MRPS23: variants seen among roughly 807,000 people sequenced by gnomAD.
The protein encoded by MRPS23 is mitochondrial ribosomal protein S23, also known as small ribosomal subunit protein mS23.
A neutral mutation model predicts 19.8 loss-of-function variants in MRPS23; 14 were observed. The observed-to-expected ratio is 0.71, with a 90% CI of 0.47 to 1.11. The LOEUF (loss-of-function observed/expected upper bound fraction) is 1.11. MRPS23 is among the 50% of genes least tolerant of loss of function. The probability of loss-of-function intolerance (pLI) is 0.00; values close to 1 mark genes in which losing one functional copy is unlikely to be tolerated. For synonymous variants in MRPS23, 113 were observed against 89.7 expected (o/e 1.26, Z -1.47); for missense variants, 242 against 236.7 (o/e 1.02, Z -0.15).
At position 57,839,586 on chromosome 17, in the gene MRPS23, C is replaced by T; in HGVS notation, c.*197G>A. Reference sequence around the variant, plus strand: ...AGGGAATTCTTTATTTAGTAATGTCCTAACATAAAAGTTCACATAACTGCT... The same window carrying T: ...AGGGAATTCTTTATTTAGTAATGTCTTAACATAAAAGTTCACATAACTGCT... On this transcript the variant is annotated 3_prime_UTR_variant, in exon 5 of 5. Transcript: ENST00000313608. 2 of 504,954 alleles carry T rather than the reference C, an allele frequency of 4.0e-6. No individual in the cohort carries two copies. Among genetic ancestry groups the T allele is most frequent in the Non-Finnish European group, 6.7e-6 (2 of 300,354 alleles). The allele number at this position is 504,954 out of a possible 1,614,324, so 31.3% of individuals were successfully genotyped here.
At chr17:57,847,874 T>C (rs1329611395) in intron 2 of MRPS23, among the ~76,000 whole-genome samples, 1 of 151,742 alleles carries the variant, frequency 6.6e-6, no homozygotes, top group African/African-American at 2.4e-5. Context: ...TTTTTGGTAT[T>C]TTAGTCAAGA....
At position 57,849,285 on chromosome 17, in the gene MRPS23, T is replaced by C. The variant is rs777824503; in HGVS notation, c.170A>G (p.Lys57Arg). Residue 57 changes from lysine (K) to arginine (R), a missense_variant, in exon 2 of 5, where the codon AAA becomes AGA. Transcript: ENST00000313608. ...QRPRVRYGKA[K>R]APIQDIWYHE... ...GTACCAGATGTCTTGGATGGGAGCT[T>C]TGGCTTTGCCATATCGCACTCGAGG... 4 of 1,614,106 alleles carry C rather than the reference T, an allele frequency of 2.5e-6. No homozygotes were observed. The highest frequency in any genetic ancestry group is 4.5e-5 in the East Asian group (2 of 44,902).
chr17:57,846,712 GGCAGC>G (rs2073778289), intron 2 of MRPS23, among the ~76,000 whole-genome samples: 1 of 152,026 alleles, frequency 6.6e-6, no homozygotes, highest in Non-Finnish European at 1.5e-5. Flanking sequence ...GATGCTTGAA[GGCAGC>G]ATGCTCGTTA....
At chr17:57,843,488 A>T (rs1331859210) in intron 2 of MRPS23, among the ~76,000 whole-genome samples, 1 of 152,182 alleles carries the variant, frequency 6.6e-6, no homozygotes, top group African/African-American at 2.4e-5. Flanking sequence ...GTTGCTATGG[A>T]CTAAACGTGT....
Position 57,838,467 on chromosome 17 carries a change from T to C in MRPS23, c.*1316A>G, listed in dbSNP as rs1033365220. On this transcript the variant is annotated 3_prime_UTR_variant, in exon 5 of 5. Coordinates refer to ENST00000313608, the MANE Select transcript of MRPS23 (RefSeq NM_016070.4). Reference sequence around the variant, plus strand: ...ACCAGAAACCTAAGGTTTAAAGAGATGAGTGACCCCTCAATTGTTCCTCTG... The same window carrying C: ...ACCAGAAACCTAAGGTTTAAAGAGACGAGTGACCCCTCAATTGTTCCTCTG... The C allele has an allele frequency of 2.0e-5, 3 of 152,108 alleles. No homozygotes were observed. The highest frequency in any genetic ancestry group is 7.2e-5 in the African/African-American group (3 of 41,404). 9.4% of individuals were successfully genotyped at this position (152,108 alleles called of 1,614,324 possible).
At chr17:57,840,899 T>C in intron 4 of MRPS23, 27 bp downstream of exon 4, 1 of 1,612,688 alleles carries the variant, frequency 6.2e-7, no homozygotes, top group Non-Finnish European at 8.5e-7. Flanking sequence ...ATAAACCCAG[T>C]AACAATTTTA....
At chr17:57,842,866 A>T (rs1309338323) in intron 2 of MRPS23, among the ~76,000 whole-genome samples, 1 of 69,266 alleles carries the variant, frequency 1.4e-5, no homozygotes, top group Non-Finnish European at 2.9e-5. Context: ...CCTGTCTCTA[A>T]AAAAAAAAAA....
rs1025124034 is a variant in MRPS23 at position 57,837,444 on chromosome 17, T to G, written c.*2339A>C. On this transcript the variant is annotated 3_prime_UTR_variant, in exon 5 of 5. Coordinates refer to ENST00000313608, the MANE Select transcript of MRPS23 (RefSeq NM_016070.4). ...CACTGATTAAATCACAGTGGATCTC[T>G]GAGACATAGTAACTAGAAAAGCAAG... 1 of 152,180 alleles carries G rather than the reference T, an allele frequency of 6.6e-6. No individual in the cohort carries two copies. The highest frequency in any genetic ancestry group is 2.4e-5 in the African/African-American group (1 of 41,436). 9.4% of individuals were successfully genotyped at this position (152,180 alleles called of 1,614,324 possible).
At position 57,840,940 on chromosome 17, in the gene MRPS23, C is replaced by T; in HGVS notation, c.406G>A (p.Gly136Ser). Residue 136 changes from glycine (G) to serine (S), a missense_variant, in exon 4 of 5, where the codon GGC becomes AGC. Gly to Ser is a moderately conservative substitution (Grantham distance 56). Transcript: ENST00000313608. ...LAEGVILRRV[G>S]EARTQHGGSH... ...GAAATACTCACAGTCCTTGCTTCGC[C>T]TACTCGTCTTAAAATGACACCTTCT... 6.2e-7 allele frequency: 1 copy of T among 1,614,120 alleles called. No homozygotes were observed. The highest frequency in any genetic ancestry group is 8.5e-7 in the Non-Finnish European group (1 of 1,180,016).
chr17:57,843,840 C>T (rs2073755541), intron 2 of MRPS23, among the ~76,000 whole-genome samples: 1 of 152,178 alleles, frequency 6.6e-6, no homozygotes, highest in South Asian at 2.1e-4. Context: ...ACTTTGTAGC[C>T]ATATACATAG....
chr17:57,847,934 C>T (rs1226185016), intron 2 of MRPS23, among the ~76,000 whole-genome samples: 1 of 151,880 alleles, frequency 6.6e-6, no homozygotes, highest in African/African-American at 2.4e-5. Context: ...TGAGCTCAGG[C>T]AATCTGCCCA....
intron 2 of MRPS23, 33 bp downstream of exon 2, chr17:57,849,207 T>C (rs1208578394): frequency 6.3e-7 from 1 of 1,596,156 alleles, no homozygotes; most frequent in Non-Finnish European, 8.6e-7. Context: ...GAAGTTCTGT[T>C]GCCTCCTGTC....
At chr17:57,843,955 CT>C (rs2073756201) in intron 2 of MRPS23, among the ~76,000 whole-genome samples, 2 of 152,018 alleles carry the variant, frequency 1.3e-5, no homozygotes, top group African/African-American at 2.4e-5. Flanking sequence ...TTAATATTTT[CT>C]TTTTATGGCT....
At chr17:57,847,395 G>T (rs893332145) in intron 2 of MRPS23, among the ~76,000 whole-genome samples, 2 of 151,928 alleles carry the variant, frequency 1.3e-5, no homozygotes, top group Non-Finnish European at 2.9e-5. Flanking sequence ...GGGCGCGGTG[G>T]CTCACGCCTG....
chr17:57,846,894 C>A (rs1017923557), intron 2 of MRPS23, among the ~76,000 whole-genome samples: 37 of 147,262 alleles, frequency 2.5e-4, no homozygotes, highest in African/African-American at 9.3e-4. Context: ...CTCCGAGAAA[C>A]ACCCAAGAAT....
intron 2 of MRPS23, among the ~76,000 whole-genome samples, chr17:57,847,475 A>G (rs2073783872): frequency 1.3e-5 from 2 of 151,898 alleles, no homozygotes; most frequent in South Asian, 4.2e-4. Context: ...ATCCTGGCTA[A>G]CACGGTGAAA....
rs1027114100 is a variant in MRPS23, at chr17:57,834,938, C to G, written c.*4845G>C. 1 of 152,112 alleles carries G rather than the reference C, an allele frequency of 6.6e-6. No homozygotes were observed. Among genetic ancestry groups the G allele is most frequent in the Non-Finnish European group, 1.5e-5 (1 of 68,032 alleles). 9.4% of individuals were successfully genotyped at this position (152,112 alleles called of 1,614,324 possible). On this transcript the variant is annotated 3_prime_UTR_variant, in exon 5 of 5. Coordinates refer to ENST00000313608, the MANE Select transcript of MRPS23 (RefSeq NM_016070.4). ...AAAACTACAAGAAGAATCAGGCTAG[C>G]CTTTTAAGGACATCATCAAAAATCA...
At chr17:57,842,893 C>A (rs1419102770) in intron 2 of MRPS23, among the ~76,000 whole-genome samples, 1 of 86,396 alleles carries the variant, frequency 1.2e-5, no homozygotes, top group Non-Finnish European at 2.3e-5. Context: ...TATATATATA[C>A]ACACACACAC....
In MRPS23 at chr17:57,840,930, C is replaced by T. The variant is rs757706979; in HGVS notation, c.416G>A (p.Arg139Lys). 12 of 1,614,030 alleles carry T rather than the reference C, an allele frequency of 7.4e-6. No homozygotes were observed. In the East Asian group the frequency reaches 1.1e-4, roughly 15 times the overall value. The stretch of plus-strand genomic sequence containing the variant: ...TTTTAACAATGAAATACTCACAGTC[C>T]TTGCTTCGCCTACTCGTCTTAAAAT... ...GVILRRVGEA[R>K]TQHGGSHVSR... The change falls in exon 4 of 5, where the codon AGG becomes AAG. Residue 139 changes from arginine (R) to lysine (K), a missense_variant. Transcript: ENST00000313608.
Sources: gnomAD v4.1 joint callset for allele counts (sites outside exome capture counted in the v4.1 genomes callset) on GRCh38, gnomAD v4.1.1 for gene constraint, MANE v1.5 for transcripts, NCBI Gene and HGNC (gene_info 2026-07-23, HGNC 2026-07-21) for gene names.